The following ZNF467 variants were observed in gnomAD, a reference collection of about 807,000 sequenced individuals.
ZNF467 encodes the protein zinc finger protein EZI.
A neutral mutation model predicts 47.8 loss-of-function variants in ZNF467; 51 were observed. That is an observed-to-expected ratio of 1.07 (90% confidence interval 0.85 to 1.35). The LOEUF (loss-of-function observed/expected upper bound fraction) is 1.35. Ranked by LOEUF, ZNF467 falls within the 40% of genes most tolerant of loss-of-function variation. The probability of loss-of-function intolerance (pLI) is 0.00; values close to 1 mark genes in which losing one functional copy is unlikely to be tolerated. For missense variants in ZNF467, 992 were observed against 858.1 expected (o/e 1.16, Z -1.95); for synonymous variants, 416 against 372.9 (o/e 1.12, Z -1.33).
In ZNF467 at chr7:149,773,279, C is replaced by T. The variant is rs1367617821; in HGVS notation, c.-214G>A. 6.7e-6 allele frequency: 1 copy of T among 150,172 alleles called. No homozygotes were observed. The highest frequency in any genetic ancestry group is 2.0e-4 in the East Asian group (1 of 4,940). The allele number at this position is 150,172 out of a possible 1,614,324, so 9.3% of individuals were successfully genotyped here. ...CGCGGGGAGGAGAGGGATAGACGCG[C>T]GGGGAGTCGAAGCCGGGAAACGGCG... is the stretch of plus-strand genomic sequence containing the variant. On this transcript the variant is annotated 5_prime_UTR_variant, in exon 1 of 5. Coordinates refer to ENST00000302017, the MANE Select transcript of ZNF467 (RefSeq NM_207336.3).
chr7:149,764,552 TG>T lies in ZNF467; in HGVS notation c.*161del. ...AGTCTCTGTCCTAGGAGGTCCGAGC[TG>T]GGTATGCTGTGCGGACGCAGACACT... On this transcript the variant is annotated 3_prime_UTR_variant, in exon 5 of 5. Transcript: ENST00000302017. 1 of 1,311,226 alleles carries T rather than the reference TG, an allele frequency of 7.6e-7. No homozygotes were observed. The highest frequency in any genetic ancestry group is 1.1e-6 in the Non-Finnish European group (1 of 936,746). The allele number at this position is 1,311,226 out of a possible 1,614,324, so 81.2% of individuals were successfully genotyped here. A position where few individuals can be genotyped will look rare whatever the true frequency, so the allele number is the denominator to read the frequency against.
rs1273338121 is a variant in ZNF467, at chr7:149,773,483, AC to A, written c.-419del. 5.6e-5 allele frequency: 1 copy of A among 17,742 alleles called. No homozygotes were observed. Among genetic ancestry groups the A allele is most frequent in the African/African-American group, 2.7e-4 (1 of 3,764 alleles). The allele number at this position is 17,742 out of a possible 1,614,324, so 1.1% of individuals were successfully genotyped here. A position where few individuals can be genotyped will look rare whatever the true frequency, so the allele number is the denominator to read the frequency against. ...GTAGGTGTGGAAGTGGGAGCTCAGG[AC>A]GGGGGAGGGGAGGGGAGGGGAGGGG... On this transcript the variant is annotated 5_prime_UTR_variant, in exon 1 of 5. Coordinates refer to ENST00000302017, the MANE Select transcript of ZNF467 (RefSeq NM_207336.3).
At chr7:149,771,788 T>C (rs1335685910) in intron 1 of ZNF467, among the ~76,000 whole-genome samples, 8 of 130,758 alleles carry the variant, frequency 6.1e-5, no homozygotes, top group Non-Finnish European at 9.7e-5. Flanking sequence ...TCCCTCTGCC[T>C]TCCGCCCTCT....
intron 1 of ZNF467, 105 bp downstream of exon 1, chr7:149,772,998 GCGCCC>G (rs1799476194): frequency 7.6e-6 from 1 of 131,288 alleles, no homozygotes. Context: ...CCCGCCGTCC[GCGCCC>G]CTACCCCCGG....
chr7:149,768,333 G>A (rs1799283938), intron 4 of ZNF467, among the ~76,000 whole-genome samples: 1 of 152,160 alleles, frequency 6.6e-6, no homozygotes, highest in Non-Finnish European at 1.5e-5. Context: ...GCCACTTCTC[G>A]AGGACCAACT....
Position 149,769,283 on chromosome 7 carries a change from AT to A in ZNF467, c.152-84del. 1 of 1,268,878 alleles carries A rather than the reference AT, an allele frequency of 7.9e-7. No individual in the cohort carries two copies. The allele number at this position is 1,268,878 out of a possible 1,614,324, so 78.6% of individuals were successfully genotyped here. A position where few individuals can be genotyped will look rare whatever the true frequency, so the allele number is the denominator to read the frequency against. On this transcript the variant is annotated intron_variant, in intron 3 of 4. Transcript: ENST00000302017. The surrounding 1 kb of genome is among the most constrained non-coding windows in gnomAD (Gnocchi z 5.3). ...CCCACTGGTGCTGGGAAGCAGGAGCATTTGAAACCCTGGCTCCAGCAGGGCC... is the reference window on the plus strand; with the variant it reads ...CCCACTGGTGCTGGGAAGCAGGAGCATTGAAACCCTGGCTCCAGCAGGGCC...
Position 149,770,982 on chromosome 7 carries a change from C to T in ZNF467, c.34+17G>A, listed in dbSNP as rs1799384103. The T allele has an allele frequency of 3.1e-6, 5 of 1,614,082 alleles. No individual in the cohort carries two copies. Among genetic ancestry groups the T allele is most frequent in the Non-Finnish European group, 4.2e-6 (5 of 1,179,948 alleles). ...TCCTAAGCTTTTCCCCAAGTCCCTT[C>T]ATTTCTGCCAGCTCACCCAGGGAGC... On this transcript the variant is annotated intron_variant, in intron 2 of 4. Transcript: ENST00000302017.
upstream of ZNF467, among the ~76,000 whole-genome samples, chr7:149,774,949 G>A (rs549696455): frequency 9.2e-5 from 14 of 152,254 alleles, no homozygotes; most frequent in South Asian, 2.5e-3. This position sits in a 1 kb window ranked among gnomAD's most constrained non-coding sequence, Gnocchi z 5.7. Flanking sequence ...GGGATATCAG[G>A]TTTAGGAGAC....
chr7:149,776,199 T>TCCCC, upstream of ZNF467: 1 of 561,300 alleles, frequency 1.8e-6, no homozygotes. Context: ...GGATCCTCCC[T>TCCCC]CCACCCCCGC....
chr7:149,765,277 C>G lies in ZNF467; in HGVS notation c.1225G>C (p.Gly409Arg). 9 of 1,460,198 alleles carry G rather than the reference C, an allele frequency of 6.2e-6. No homozygotes were observed. Among genetic ancestry groups the G allele is most frequent in the Non-Finnish European group, 8.1e-6 (9 of 1,105,872 alleles). The allele number at this position is 1,460,198 out of a possible 1,614,324, so 90.5% of individuals were successfully genotyped here. Reference sequence around the variant, plus strand: ...TCGGATCCTGGGCCGCAGCCCGGTCCGCCAGGCGCGCTGGCCAGGGGCTTG... The same window carrying G: ...TCGGATCCTGGGCCGCAGCCCGGTCGGCCAGGCGCGCTGGCCAGGGGCTTG... Reference protein sequence around the residue: ...AAKPLASAPGGPGCGPGSDPV... With the variant: ...AAKPLASAPGRPGCGPGSDPV... Residue 409 changes from glycine (G) to arginine (R), a missense_variant, in exon 5 of 5, where the codon GGA becomes CGA. Gly to Arg is a moderately radical substitution (Grantham distance 125). Transcript: ENST00000302017.
Position 149,764,966 on chromosome 7 carries a change from G to C in ZNF467, c.1536C>G (p.Ser512Arg), listed in dbSNP as rs863021. 4 of 1,590,224 alleles carry C rather than the reference G, an allele frequency of 2.5e-6. No homozygotes were observed. The highest frequency in any genetic ancestry group is 8.5e-7 in the Non-Finnish European group (1 of 1,174,204). ...LGRHQAVHTG[S>R]RPHACAVCAR... is the part of the protein sequence containing the mutation. ...CGCAGACGGCGCAGGCGTGGGGGCG[G>C]CTGCCAGTGTGCACCGCCTGGTGGC... Residue 512 changes from serine (S) to arginine (R), a missense_variant, in exon 5 of 5, where the codon AGC becomes AGG. Transcript: ENST00000302017.
At position 149,766,060 on chromosome 7, in the gene ZNF467, C is replaced by A. The variant is rs371683035; in HGVS notation, c.442G>T (p.Ala148Ser). ...GGCATCGGACCCCACCCAGACAGCG[C>A]GAGCCCACTCAGTGCCCCCGGGGCC... Reference protein sequence around the residue: ...PGAPGALSGLALSGWGPMPEK... With the variant: ...PGAPGALSGLSLSGWGPMPEK... The change falls in exon 5 of 5, where the codon GCG (alanine) becomes TCG (serine). Residue 148 changes from alanine to serine, a missense_variant. By Grantham distance (99) the Ala-to-Ser change is moderately conservative (BLOSUM62 1). Transcript: ENST00000302017. 1 of 1,607,580 alleles carries A rather than the reference C, an allele frequency of 6.2e-7. No individual in the cohort carries two copies. Among genetic ancestry groups the A allele is most frequent in the African/African-American group, 1.3e-5 (1 of 74,964 alleles).
intron 1 of ZNF467, 149 bp from the exon 2 acceptor site, chr7:149,771,223 T>G: frequency 1.6e-6 from 1 of 640,604 alleles, no homozygotes; most frequent in Non-Finnish European, 2.7e-6. Flanking sequence ...GGAAACTGGG[T>G]TTAGAAAGCC....
chr7:149,770,391 A>C, intron 3 of ZNF467, 49 bp downstream of exon 3: 2 of 1,390,950 alleles, frequency 1.4e-6, no homozygotes, highest in Non-Finnish European at 2.0e-6. Context: ...GGGCAGGAGG[A>C]AAGCAGGGGG....
upstream of ZNF467, chr7:149,776,178 C>T (rs1485160186): frequency 5.2e-6 from 6 of 1,153,562 alleles, no homozygotes; most frequent in South Asian, 7.2e-5. Flanking sequence ...ACTCCGTGCC[C>T]CCCACCCCCG....
chr7:149,775,006 CG>C (rs1301688092), upstream of ZNF467, among the ~76,000 whole-genome samples: 6 of 152,106 alleles, frequency 3.9e-5, no homozygotes, highest in African/African-American at 1.4e-4. Context: ...CCCGGGTGTC[CG>C]GGTGTGCTCA....
chr7:149,770,784 C>T (rs1240818975), intron 2 of ZNF467, among the ~76,000 whole-genome samples: 1 of 152,194 alleles, frequency 6.6e-6, no homozygotes, highest in Non-Finnish European at 1.5e-5. Flanking sequence ...TATGACTGTG[C>T]TCTGTGAGTG....
At chr7:149,775,708 TACACACACACACACACACAC>T (rs3085320), upstream of ZNF467, among the ~76,000 whole-genome samples, 8,314 of 138,992 alleles carry the variant, frequency 0.06, 710 homozygotes, top group African/African-American at 0.19. Flanking sequence ...AGTGTGAAAA[TACACACACACACACACACAC>T]ACACACACAC....
chr7:149,764,246 A>C lies in ZNF467; in HGVS notation c.*468T>G, dbSNP rs543901749. The C allele has an allele frequency of 5.1e-6, 2 of 393,440 alleles. No homozygotes were observed. The highest frequency in any genetic ancestry group is 2.1e-5 in the African/African-American group (1 of 48,298). 24.4% of individuals were successfully genotyped at this position (393,440 alleles called of 1,614,324 possible). ...AATTAACAGCAGCTGGCTAAATGTA[A>C]CTCACCCAGGACAGAAGGGGAAGTG... On this transcript the variant is annotated 3_prime_UTR_variant, in exon 5 of 5. Transcript: ENST00000302017.
Sources: allele counts gnomAD v4.1 joint callset (sites outside exome capture counted in the v4.1 genomes callset), GRCh38; gene constraint gnomAD v4.1.1; non-coding constraint Gnocchi (gnomAD v3.1); transcripts MANE v1.5; gene names NCBI Gene and HGNC (gene_info 2026-07-23, HGNC 2026-07-21).